Variants in PDE4B observed in about 807,000 individuals in gnomAD.
The protein encoded by PDE4B is 3',5'-cyclic-AMP phosphodiesterase 4B.
Under a neutral mutation model 82.2 loss-of-function variants are expected in PDE4B, and 20 were observed. The observed-to-expected ratio is 0.24, with a 90% CI of 0.17 to 0.35. The LOEUF (loss-of-function observed/expected upper bound fraction) is 0.35, where lower values mean the gene tolerates loss of function less well. Among genes scored for constraint, PDE4B ranks in the 10% least tolerant of loss-of-function variants. The pLI, the probability that PDE4B is intolerant of heterozygous loss-of-function variation, is 1.00. For synonymous variants in PDE4B, 320 were observed against 318.9 expected, an observed-to-expected ratio of 1.00 and a Z score of -0.04; for missense variants, 655 against 907.2, an observed-to-expected ratio of 0.72 and a Z score of 3.57.
intron 8 of PDE4B, among the ~76,000 whole-genome samples, chr1:66,351,307 A>G (rs929626433): frequency 5.9e-5 from 9 of 152,216 alleles, no homozygotes; most frequent in Non-Finnish European, 1.3e-4. Context: ...AGACACATTT[A>G]TCTTTAAAAT....
chr1:65,834,002 T>C (rs1366999996), intron 1 of PDE4B, among the ~76,000 whole-genome samples: 1 of 152,312 alleles, frequency 6.6e-6, no homozygotes, highest in East Asian at 1.9e-4. Flanking sequence ...TGCTATATAA[T>C]AGTGTGCTAT....
chr1:66,289,980 G>T (rs2101807799), intron 7 of PDE4B, among the ~76,000 whole-genome samples: 1 of 152,256 alleles, frequency 6.6e-6, no homozygotes, highest in South Asian at 2.1e-4. Context: ...ATGAAATCCA[G>T]GCTTCTGGCT....
chr1:66,205,185 A>G (rs191543933), intron 3 of PDE4B, among the ~76,000 whole-genome samples: 3 of 152,288 alleles, frequency 2.0e-5, no homozygotes, highest in Non-Finnish European at 4.4e-5. Context: ...TCAATAGCCC[A>G]CCCTAGCACA....
intron 1 of PDE4B, among the ~76,000 whole-genome samples, chr1:65,876,264 A>G (rs1166688193): frequency 2.0e-5 from 3 of 152,138 alleles, no homozygotes; most frequent in African/African-American, 7.2e-5. Flanking sequence ...TTCTGTGTAT[A>G]ATTTAATGCT....
intron 3 of PDE4B, among the ~76,000 whole-genome samples, chr1:66,006,659 G>A (rs1287769178): frequency 1.3e-5 from 2 of 152,078 alleles, no homozygotes; most frequent in African/African-American, 4.8e-5. Flanking sequence ...CCTGGTGGGA[G>A]GTAATTGAAT....
At chr1:65,958,979 G>A (rs1425910194) in intron 3 of PDE4B, among the ~76,000 whole-genome samples, 1 of 152,190 alleles carries the variant, frequency 6.6e-6, no homozygotes, top group East Asian at 1.9e-4. Flanking sequence ...AGTGTGTTCT[G>A]TGCTTCCCAG....
At chr1:66,161,864 G>T (rs1646619272) in intron 3 of PDE4B, among the ~76,000 whole-genome samples, 1 of 152,064 alleles carries the variant, frequency 6.6e-6, no homozygotes, top group Non-Finnish European at 1.5e-5. Context: ...AACATGTCTG[G>T]GTTGAAATCT....
chr1:65,945,512 A>G (rs1286949156), intron 3 of PDE4B, among the ~76,000 whole-genome samples: 1 of 151,954 alleles, frequency 6.6e-6, no homozygotes, highest in African/African-American at 2.4e-5. Context: ...AAGGGTCCTT[A>G]TGGAATCAAC....
chr1:65,920,016 T>C (rs1236165340), intron 3 of PDE4B, among the ~76,000 whole-genome samples: 3 of 152,202 alleles, frequency 2.0e-5, no homozygotes, highest in Admixed American at 2.0e-4. Flanking sequence ...TCAGCTGAAT[T>C]AACATTATAT....
chr1:66,198,981 G>A (rs1648607618), intron 3 of PDE4B, among the ~76,000 whole-genome samples: 1 of 151,894 alleles, frequency 6.6e-6, no homozygotes, highest in Non-Finnish European at 1.5e-5. Context: ...TGGTGTATAT[G>A]TGCCACATTT....
At chr1:66,332,349 C>T in intron 7 of PDE4B, 159 bp from the exon 8 acceptor site, 1 of 1,608,288 alleles carries the variant, frequency 6.2e-7, no homozygotes, top group Non-Finnish European at 8.5e-7. Context: ...ATTTGTTCTC[C>T]TGGTGGAGAG....
At chr1:65,967,564 G>A (rs536259553) in intron 3 of PDE4B, among the ~76,000 whole-genome samples, 1 of 152,278 alleles carries the variant, frequency 6.6e-6, no homozygotes, top group South Asian at 2.1e-4. Flanking sequence ...AAAGACACAT[G>A]CACACGTATG....
intron 1 of PDE4B, among the ~76,000 whole-genome samples, chr1:65,854,380 T>C (rs1347476194): frequency 6.6e-6 from 1 of 151,974 alleles, no homozygotes; most frequent in East Asian, 1.9e-4. Context: ...CATTGATTCT[T>C]TTCTTTCTGT....
At chr1:66,129,753 T>C (rs564816491) in intron 3 of PDE4B, among the ~76,000 whole-genome samples, 2 of 151,976 alleles carry the variant, frequency 1.3e-5, no homozygotes, top group South Asian at 4.1e-4. Flanking sequence ...CATAAGGTTG[T>C]ATATTAAGAT....
At chr1:66,326,118 G>A (rs1368291059) in intron 7 of PDE4B, among the ~76,000 whole-genome samples, 1 of 152,192 alleles carries the variant, frequency 6.6e-6, no homozygotes, top group Non-Finnish European at 1.5e-5. Flanking sequence ...CTCAAACTCT[G>A]TTGATACCCA....
At chr1:66,127,848 T>C (rs542179365) in intron 3 of PDE4B, among the ~76,000 whole-genome samples, 1 of 152,308 alleles carries the variant, frequency 6.6e-6, no homozygotes, top group East Asian at 1.9e-4. Flanking sequence ...CTAATATTTT[T>C]ATTACTCCAA....
chr1:65,927,576 A>C (rs1647580589), intron 3 of PDE4B, among the ~76,000 whole-genome samples: 1 of 150,786 alleles, frequency 6.6e-6, no homozygotes, highest in Non-Finnish European at 1.5e-5. Context: ...TGGAGTCATC[A>C]CTTTGTTAAA....
intron 3 of PDE4B, among the ~76,000 whole-genome samples, chr1:66,084,506 T>G (rs1289357237): frequency 6.6e-6 from 1 of 152,116 alleles, no homozygotes; most frequent in Non-Finnish European, 1.5e-5. Flanking sequence ...GTCTGGCCAA[T>G]GACATCATAG....
At chr1:66,102,290 A>G (rs1338455386) in intron 3 of PDE4B, among the ~76,000 whole-genome samples, 2 of 152,100 alleles carry the variant, frequency 1.3e-5, no homozygotes, top group African/African-American at 2.4e-5. Flanking sequence ...TAAATATGGA[A>G]TTTCATCATC....
Sources: gnomAD v4.1 joint callset for allele counts (sites outside exome capture counted in the v4.1 genomes callset) on GRCh38, gnomAD v4.1.1 for gene constraint, MANE v1.5 for transcripts, NCBI Gene and HGNC (gene_info 2026-07-23, HGNC 2026-07-21) for gene names.